Variants in ITGAM observed in about 807,000 individuals in gnomAD.
ITGAM encodes the protein integrin subunit alpha M, also known as integrin alpha-M.
Under a neutral mutation model 137.5 loss-of-function variants are expected in ITGAM, and 79 were observed. The ratio of observed to expected loss-of-function variants is 0.57; its 90% CI spans 0.48 to 0.69. The LOEUF is 0.69. Among genes scored for constraint, ITGAM ranks in the 30% least tolerant of loss-of-function variants. The pLI, the probability that ITGAM is intolerant of heterozygous loss-of-function variation, is 0.00. For missense variants in ITGAM, 1,343 were observed against 1,483.5 expected (o/e 0.91, Z 1.56); for synonymous variants, 583 against 592.3 (o/e 0.98, Z 0.23).
intron 5 of ITGAM, among the ~76,000 whole-genome samples, chr16:31,267,493 A>G (rs1262199085): frequency 6.6e-6 from 1 of 152,058 alleles, no homozygotes; most frequent in East Asian, 1.9e-4. Context: ...GTAACACCGC[A>G]CTTTCTCCTT....
In ITGAM at chr16:31,326,909, A is replaced by G; in HGVS notation, c.2682A>G (p.Lys894=). 6.2e-7 allele frequency: 1 copy of G among 1,613,550 alleles called. No homozygotes were observed. The highest frequency in any genetic ancestry group is 8.5e-7 in the Non-Finnish European group (1 of 1,179,468). Reference sequence around the variant, plus strand: ...ACTCTAAGGCTTCCCTTGGAAACAAACTGCTCCTCAAGGCCAATGTGACCA... The same window carrying G: ...ACTCTAAGGCTTCCCTTGGAAACAAGCTGCTCCTCAAGGCCAATGTGACCA... ...DVDSKASLGN[K]LLLKANVTSE... is the part of the protein sequence containing the mutation. The change falls in exon 22 of 30, where the codon AAA becomes AAG. Residue 894 remains lysine, a synonymous_variant. Transcript: ENST00000544665.
Position 31,321,530 on chromosome 16 carries a change from A to T in ITGAM, c.1905A>T (p.Val635=). 4.3e-6 allele frequency: 7 copies of T among 1,614,028 alleles called. No individual in the cohort carries two copies. Among genetic ancestry groups the T allele is most frequent in the Non-Finnish European group, 5.9e-6 (7 of 1,179,896 alleles). ...ATCCCAGGGAAGTGGCAAGGAATGTATTTGAGTGTAATGATCAGGTGGTGA... is the reference window on the plus strand; with the variant it reads ...ATCCCAGGGAAGTGGCAAGGAATGTTTTTGAGTGTAATGATCAGGTGGTGA... ...EFNPREVARN[V]FECNDQVVKG... The change falls in exon 16 of 30, where the codon GTA becomes GTT. Residue 635 remains valine, a synonymous_variant. Transcript: ENST00000544665.
chr16:31,329,073 TCCCCCA>T, intron 23 of ITGAM, 149 bp from the exon 24 acceptor site: 17 of 426,210 alleles, frequency 4.0e-5, no homozygotes, highest in South Asian at 1.1e-4. Context: ...ACACATTGGT[TCCCCCA>T]TCCCCCTGCA....
At chr16:31,294,668 A>T (rs1286456066) in intron 12 of ITGAM, among the ~76,000 whole-genome samples, 1 of 152,134 alleles carries the variant, frequency 6.6e-6, no homozygotes, top group East Asian at 1.9e-4. Flanking sequence ...ATTAGTGTTC[A>T]TCAAGAATAT....
chr16:31,307,006 GA>G (rs1358625679), intron 14 of ITGAM, among the ~76,000 whole-genome samples: 1 of 151,948 alleles, frequency 6.6e-6, no homozygotes, highest in African/African-American at 2.4e-5. Flanking sequence ...TGTCACAAAA[GA>G]AAAAAAGAAA....
intron 8 of ITGAM, among the ~76,000 whole-genome samples, chr16:31,273,898 C>T (rs1274978994): frequency 6.6e-6 from 1 of 152,120 alleles, no homozygotes; most frequent in African/African-American, 2.4e-5. Flanking sequence ...GTGACTTGGC[C>T]CTTTGGCAAC....
At chr16:31,319,239 G>GT (rs61190914) in intron 14 of ITGAM, among the ~76,000 whole-genome samples, 27,234 of 147,384 alleles carry the variant, frequency 0.18, 3,200 homozygotes, top group African/African-American at 0.34. Flanking sequence ...TCTCCCTTGG[G>GT]TTTTTTTTTT....
At chr16:31,286,792 A>G (rs2080034181) in intron 12 of ITGAM, among the ~76,000 whole-genome samples, 1 of 152,098 alleles carries the variant, frequency 6.6e-6, no homozygotes, top group South Asian at 2.1e-4. Context: ...TCCCATTCTG[A>G]AAGTTTTCTG....
intron 28 of ITGAM, 118 bp downstream of exon 28, chr16:31,330,723 G>A (rs1457896730): frequency 1.4e-5 from 10 of 708,504 alleles, no homozygotes; most frequent in East Asian, 5.4e-5. Flanking sequence ...GAGCGACAGA[G>A]AGACAGAGAG....
At chr16:31,277,657 C>T (rs540601318) in intron 11 of ITGAM, among the ~76,000 whole-genome samples, 63 of 152,138 alleles carry the variant, frequency 4.1e-4, no homozygotes, top group African/African-American at 1.5e-3. Context: ...CGTGCCTGGT[C>T]TTTTTTTGTA....
At chr16:31,275,038 G>C (rs964319860) in intron 8 of ITGAM, among the ~76,000 whole-genome samples, 1 of 152,124 alleles carries the variant, frequency 6.6e-6, no homozygotes, top group Non-Finnish European at 1.5e-5. Flanking sequence ...GTATACAATG[G>C]GCTAAAGCAA....
rs761156773 is a variant in ITGAM, at chr16:31,324,660, G to A, written c.2167G>A (p.Glu723Lys). 3.1e-6 allele frequency: 5 copies of A among 1,602,344 alleles called. No individual in the cohort carries two copies. The South Asian group carries it at 3.3e-5, about 11-fold the overall frequency. Residue 723 changes from glutamate to lysine, a missense_variant, in exon 18 of 30, where the codon GAG (glutamate) becomes AAG (lysine). Glu to Lys is a moderately conservative substitution (Grantham distance 56, BLOSUM62 1). Transcript: ENST00000544665. The surrounding 1 kb of genome is among the most constrained non-coding windows in gnomAD (Gnocchi z 4.5). ...CCCGGCTATCTCTTAGAATTGCATC[G>A]AGGACCCAGTGAGCCCCATTGTGCT... is the stretch of plus-strand genomic sequence containing the variant. ...TLKLQLPNCI[E>K]DPVSPIVLRL...
rs766893576 is a variant in ITGAM, at chr16:31,266,195, G to A, written c.427+48G>A. 7 of 1,317,390 alleles carry A rather than the reference G, an allele frequency of 5.3e-6. No homozygotes were observed. The Admixed American group carries it at 1.2e-4, about 22-fold the overall frequency. The allele number at this position is 1,317,390 out of a possible 1,614,324, so 81.6% of individuals were successfully genotyped here. On this transcript the variant is annotated intron_variant, in intron 5 of 29. Transcript: ENST00000544665. ...AACAGATGCGCAGCAAAAGACCAGGGGAGGGGGCAGGACTGAGGTGACGTC... is the reference window on the plus strand; with the variant it reads ...AACAGATGCGCAGCAAAAGACCAGGAGAGGGGGCAGGACTGAGGTGACGTC...
chr16:31,300,359 C>A (rs1034032558), intron 14 of ITGAM, among the ~76,000 whole-genome samples: 1 of 152,204 alleles, frequency 6.6e-6, no homozygotes, highest in South Asian at 2.1e-4. Context: ...AACTTCCATA[C>A]GTTTTCCCTA....
At chr16:31,325,207 C>T in intron 19 of ITGAM, 56 bp from the exon 20 acceptor site, 1 of 1,566,502 alleles carries the variant, frequency 6.4e-7, no homozygotes, top group Non-Finnish European at 8.6e-7. Flanking sequence ...CTGGAGCAGG[C>T]TTGCCACAGG....
intron 2 of ITGAM, among the ~76,000 whole-genome samples, chr16:31,262,250 C>T (rs2079708313): frequency 6.6e-6 from 1 of 151,690 alleles, no homozygotes; most frequent in Non-Finnish European, 1.5e-5. Flanking sequence ...TCCCTTCCTT[C>T]CTTCCTTCCT....
intron 14 of ITGAM, 80 bp downstream of exon 14, chr16:31,298,034 C>G: frequency 8.5e-7 from 1 of 1,172,858 alleles, no homozygotes; most frequent in Non-Finnish European, 1.3e-6. Flanking sequence ...CCACAGCTGC[C>G]AGATAAGTTC....
At position 31,312,824 on chromosome 16, in the gene ITGAM, G is replaced by T. The variant is rs1011095560; in HGVS notation, c.1708-8417G>T. Among the ~76,000 whole-genome samples, 14 of 150,634 alleles carry T rather than the reference G, an allele frequency of 9.3e-5. No individual in the cohort carries two copies. In the East Asian group the frequency reaches 1.9e-3, roughly 21 times the overall value. ...ACAAGATCGATTATAGCCATCTTTT[G>T]CAGTGAATGCTTAGGCTGGTCCGTC... On this transcript the variant is annotated intron_variant, in intron 14 of 29. Transcript: ENST00000544665.
intron 16 of ITGAM, among the ~76,000 whole-genome samples, chr16:31,321,868 A>C (rs528424317): frequency 6.6e-6 from 1 of 152,358 alleles, no homozygotes; most frequent in South Asian, 2.1e-4. Context: ...CAGAGAACTG[A>C]AGGCCCCATG....
Sources: gnomAD v4.1 joint callset for allele counts (sites outside exome capture counted in the v4.1 genomes callset) on GRCh38, gnomAD v4.1.1 for gene constraint, Gnocchi (gnomAD v3.1) non-coding constraint, MANE v1.5 for transcripts, NCBI Gene and HGNC (gene_info 2026-07-23, HGNC 2026-07-21) for gene names.